TNIP3: variants seen among roughly 807,000 people sequenced by gnomAD.
The protein encoded by TNIP3 is TNFAIP3-interacting protein 3.
TNIP3 carries 34 observed loss-of-function variants against 54.1 expected under a neutral mutation model. The observed-to-expected ratio is 0.63, with a 90% CI of 0.48 to 0.84. The LOEUF (loss-of-function observed/expected upper bound fraction) is 0.84. Among genes scored for constraint, TNIP3 ranks in the 40% least tolerant of loss-of-function variants. The pLI is 0.00. For synonymous variants in TNIP3, 134 were observed against 136.8 expected (o/e 0.98, Z 0.14); for missense variants, 366 against 387.6 (o/e 0.94, Z 0.47).
Position 121,132,365 on chromosome 4 carries a change from C to G in TNIP3, c.*266G>C, listed in dbSNP as rs917346667. 2 of 440,344 alleles carry G rather than the reference C, an allele frequency of 4.5e-6. No individual in the cohort carries two copies. Among genetic ancestry groups the G allele is most frequent in the Non-Finnish European group, 8.1e-6 (2 of 246,818 alleles). 27.3% of individuals were successfully genotyped at this position (440,344 alleles called of 1,614,324 possible). ...TATGCTGAAGAGATTTTCAGGGAGT[C>G]GTGCATCATCCATCTGCCAAGTCTC... On this transcript the variant is annotated 3_prime_UTR_variant, in exon 11 of 11. Transcript: ENST00000057513.
Position 121,154,743 on chromosome 4 carries a change from G to A in TNIP3, c.364-64C>T, listed in dbSNP as rs6820783. Reference sequence around the variant, plus strand: ...CAAGTCAAATGAGATGATATTGTAGGAATTCTGATATATCAGCCATGGCAG... The same window carrying A: ...CAAGTCAAATGAGATGATATTGTAGAAATTCTGATATATCAGCCATGGCAG... On this transcript the variant is annotated intron_variant, in intron 4 of 10. Coordinates refer to ENST00000057513, the MANE Select transcript of TNIP3 (RefSeq NM_024873.6). 1,149 of 1,460,076 alleles carry A rather than the reference G, an allele frequency of 7.9e-4. 8 individuals carry two copies. In the African/African-American group the frequency reaches 0.015, roughly 19 times the overall value. 90.4% of individuals were successfully genotyped at this position (1,460,076 alleles called of 1,614,324 possible).
intron 7 of TNIP3, among the ~76,000 whole-genome samples, chr4:121,146,526 A>G (rs112708961): frequency 2.6e-5 from 4 of 152,152 alleles, no homozygotes; most frequent in East Asian, 1.9e-4. Context: ...GTATGCTTAC[A>G]TTTAATATAT....
chr4:121,209,145 G>T (rs968540637), intron 2 of TNIP3, among the ~76,000 whole-genome samples: 1 of 152,230 alleles, frequency 6.6e-6, no homozygotes, highest in African/African-American at 2.4e-5. Flanking sequence ...TGTTAAGGGC[G>T]AGGACGCTGT....
chr4:121,208,360 A>C (rs537757251), intron 2 of TNIP3, among the ~76,000 whole-genome samples: 1 of 152,138 alleles, frequency 6.6e-6, no homozygotes, highest in Non-Finnish European at 1.5e-5. Flanking sequence ...CCTGAACTCA[A>C]TGTGTCGGCT....
intron 2 of TNIP3, among the ~76,000 whole-genome samples, chr4:121,187,495 T>C (rs905187941): frequency 6.6e-6 from 1 of 152,226 alleles, no homozygotes; most frequent in Non-Finnish European, 1.5e-5. Context: ...AGCTTGTGAC[T>C]TTTTACTCTA....
intron 1 of TNIP3, among the ~76,000 whole-genome samples, chr4:121,223,994 A>C (rs1158335274): frequency 6.6e-6 from 1 of 152,242 alleles, no homozygotes; most frequent in Non-Finnish European, 1.5e-5. Flanking sequence ...ATGCTGTCTC[A>C]ATTCCTCAAA....
intron 7 of TNIP3, among the ~76,000 whole-genome samples, chr4:121,146,761 C>T (rs1729454653): frequency 6.6e-6 from 1 of 152,110 alleles, no homozygotes; most frequent in Non-Finnish European, 1.5e-5. Context: ...GTTCAACTCT[C>T]ATTCTACCAA....
chr4:121,142,880 C>A, intron 7 of TNIP3, 104 bp from the exon 8 acceptor site: 1 of 899,526 alleles, frequency 1.1e-6, no homozygotes, highest in Admixed American at 2.6e-5. Flanking sequence ...AGCAGTAATA[C>A]CAACAAAAAT....
intron 2 of TNIP3, among the ~76,000 whole-genome samples, chr4:121,186,900 C>T (rs981321402): frequency 2.6e-5 from 4 of 151,956 alleles, no homozygotes; most frequent in Admixed American, 1.3e-4. Flanking sequence ...TCTTAGGAAA[C>T]CTTTTAGATT....
upstream of TNIP3, among the ~76,000 whole-genome samples, chr4:121,166,825 C>A (rs757705728): frequency 3.9e-5 from 6 of 152,086 alleles, no homozygotes; most frequent in Non-Finnish European, 7.4e-5. Flanking sequence ...AATCTATTTG[C>A]ATGAATTTTT....
intron 2 of TNIP3, among the ~76,000 whole-genome samples, chr4:121,195,560 G>T (rs17051318): frequency 6.6e-6 from 1 of 152,126 alleles, no homozygotes; most frequent in Non-Finnish European, 1.5e-5. Flanking sequence ...ATTCAGATGG[G>T]AATTAACAAG....
chr4:121,138,819 C>T, intron 9 of TNIP3, 135 bp from the exon 10 acceptor site: 1 of 739,244 alleles, frequency 1.4e-6, no homozygotes, highest in South Asian at 1.6e-5. Context: ...CTATTGCCAA[C>T]CTCACTCATC....
upstream of TNIP3, among the ~76,000 whole-genome samples, chr4:121,164,580 T>C (rs923853106): frequency 2.0e-5 from 3 of 152,206 alleles, no homozygotes; most frequent in African/African-American, 7.2e-5. Context: ...CCAGAGCAAT[T>C]AGGTAACTGT....
At chr4:121,159,337 C>T (rs1226641764) in intron 2 of TNIP3, among the ~76,000 whole-genome samples, 1 of 152,170 alleles carries the variant, frequency 6.6e-6, no homozygotes, top group African/African-American at 2.4e-5. Context: ...TTATCAGTAA[C>T]TTTTAACTTT....
At position 121,222,159 on chromosome 4, in the gene TNIP3, C is replaced by T. The variant is rs562677050; in HGVS notation, c.3+5226G>A. On this transcript the variant is annotated intron_variant, in intron 1 of 12. Coordinates refer to the TNIP3 transcript ENST00000509841. ...CAATGTTGCTATATTGCTCTTGATGCATCTTAGAGGCTTAGTGAAATATTA... is the reference window on the plus strand; with the variant it reads ...CAATGTTGCTATATTGCTCTTGATGTATCTTAGAGGCTTAGTGAAATATTA... Among the ~76,000 whole-genome samples, 212 of 152,286 alleles carry T rather than the reference C, an allele frequency of 1.4e-3. 1 individual carries two copies. The highest frequency in any genetic ancestry group is 5.0e-3 in the African/African-American group (207 of 41,564).
intron 7 of TNIP3, among the ~76,000 whole-genome samples, chr4:121,143,172 A>G (rs371079077): frequency 5.3e-5 from 8 of 152,322 alleles, no homozygotes; most frequent in African/African-American, 1.7e-4. Flanking sequence ...ACATGCAATA[A>G]CTCACTGAAT....
At chr4:121,177,135 G>A (rs1418299870) in intron 3 of TNIP3, among the ~76,000 whole-genome samples, 1 of 152,094 alleles carries the variant, frequency 6.6e-6, no homozygotes. Flanking sequence ...CAAGCATCCT[G>A]TCCCTTTCTT....
At chr4:121,140,859 C>G (rs1338988824) in intron 9 of TNIP3, among the ~76,000 whole-genome samples, 5 of 152,132 alleles carry the variant, frequency 3.3e-5, no homozygotes, top group African/African-American at 1.2e-4. Flanking sequence ...TGTGTCATAC[C>G]AGGGTCAAAT....
chr4:121,159,619 T>C (rs2148813933), intron 2 of TNIP3, among the ~76,000 whole-genome samples: 1 of 152,382 alleles, frequency 6.6e-6, no homozygotes, highest in East Asian at 1.9e-4. Context: ...ACATGATTTA[T>C]AATAAATACT....
Sources: allele counts gnomAD v4.1 joint callset (sites outside exome capture counted in the v4.1 genomes callset), GRCh38; gene constraint gnomAD v4.1.1; transcripts MANE v1.5; gene names NCBI Gene and HGNC (gene_info 2026-07-23, HGNC 2026-07-21).